Variants in CSDC2 observed in about 807,000 individuals in gnomAD.
CSDC2 encodes the protein cold shock domain containing C2.
CSDC2 carries 8 observed loss-of-function variants against 15.8 expected under a neutral mutation model. The ratio of observed to expected loss-of-function variants is 0.51; its 90% CI spans 0.30 to 0.92. The LOEUF is 0.92. Ranked by LOEUF, CSDC2 falls within the 40% of genes least tolerant of loss-of-function variation. CSDC2 has a pLI of 0.07. For synonymous variants in CSDC2, 96 were observed against 92.3 expected (o/e 1.04, Z -0.23); for missense variants, 195 against 213.3 (o/e 0.91, Z 0.53).
Position 41,576,344 on chromosome 22 carries a change from G to C in CSDC2, c.*1449G>C, listed in dbSNP as rs554043742. ...GCCCAGAGCTGCTGAGGTGTGGTCAGCTCCCCTAAAATGGGCACGGCCCAG... is the reference window on the plus strand; with the variant it reads ...GCCCAGAGCTGCTGAGGTGTGGTCACCTCCCCTAAAATGGGCACGGCCCAG... On this transcript the variant is annotated 3_prime_UTR_variant, in exon 4 of 4. Transcript: ENST00000306149. 5.8e-4 allele frequency: 89 copies of C among 152,354 alleles called. No homozygotes were observed. The highest frequency in any genetic ancestry group is 2.0e-3 in the African/African-American group (84 of 41,556). The allele number at this position is 152,354 out of a possible 1,614,324, so 9.4% of individuals were successfully genotyped here.
chr22:41,566,765 A>G (rs1162798575), intron 1 of CSDC2, among the ~76,000 whole-genome samples: 2 of 151,560 alleles, frequency 1.3e-5, no homozygotes, highest in Non-Finnish European at 2.9e-5. Context: ...GTCTCTACTA[A>G]AAATACAAAA....
intron 1 of CSDC2, among the ~76,000 whole-genome samples, chr22:41,570,409 G>C (rs1239642824): frequency 6.6e-6 from 1 of 152,136 alleles, no homozygotes; most frequent in African/African-American, 2.4e-5. Flanking sequence ...TGCTCCAGTG[G>C]ACTCCTGGAC....
chr22:41,566,220 C>A (rs112536645), intron 1 of CSDC2, among the ~76,000 whole-genome samples: 1 of 148,934 alleles, frequency 6.7e-6, no homozygotes. Flanking sequence ...CTGAGGTGGG[C>A]GGATCATGAG....
chr22:41,574,344 C>T (rs2067163910), intron 3 of CSDC2, among the ~76,000 whole-genome samples: 1 of 152,222 alleles, frequency 6.6e-6, no homozygotes, highest in Admixed American at 6.5e-5. Flanking sequence ...CGGCTCAGTG[C>T]AACCTCCACT....
At chr22:41,562,780 A>T (rs1446547241) in intron 1 of CSDC2, among the ~76,000 whole-genome samples, 2 of 152,190 alleles carry the variant, frequency 1.3e-5, no homozygotes, top group African/African-American at 4.8e-5. Context: ...TAAAAGTAGT[A>T]GGGAGCTCTT....
At chr22:41,561,382 G>A (rs1024582571) in intron 1 of CSDC2, among the ~76,000 whole-genome samples, 199 bp downstream of exon 1, 2 of 152,222 alleles carry the variant, frequency 1.3e-5, no homozygotes, top group African/African-American at 2.4e-5. Context: ...AGGTGAGGCC[G>A]TGTGGCTCCC....
At chr22:41,570,765 T>C (rs567836002) in intron 1 of CSDC2, among the ~76,000 whole-genome samples, 293 of 143,032 alleles carry the variant, frequency 2.0e-3, no homozygotes, top group African/African-American at 7.3e-3. Flanking sequence ...GAAGTGACAG[T>C]GAGCCGAGAT....
At chr22:41,573,545 AG>A (rs1049873446) in intron 2 of CSDC2, 109 bp from the exon 3 acceptor site, 1 of 1,329,972 alleles carries the variant, frequency 7.5e-7, no homozygotes, top group Non-Finnish European at 1.0e-6. Flanking sequence ...GCCTGGGTCA[AG>A]TTTCTCACAG....
chr22:41,562,335 A>T (rs931575746), intron 1 of CSDC2, among the ~76,000 whole-genome samples: 2 of 146,188 alleles, frequency 1.4e-5, no homozygotes, highest in African/African-American at 5.1e-5. Context: ...GCCGCCCCCC[A>T]TTTCCTTGAA....
chr22:41,572,375 CCCACCCACCCACCCATCCATCCAT>C (rs2067150635), intron 2 of CSDC2, among the ~76,000 whole-genome samples: 6 of 42,818 alleles, frequency 1.4e-4, no homozygotes, highest in African/African-American at 5.5e-4. Flanking sequence ...CACCCACCCA[CCCACCCACCCACCCATCCATCCAT>C]CCATCCATCC....
At chr22:41,573,110 C>T (rs943323491) in intron 2 of CSDC2, among the ~76,000 whole-genome samples, 43 of 152,020 alleles carry the variant, frequency 2.8e-4, no homozygotes, top group African/African-American at 9.7e-4. Context: ...TTTGGGAGGT[C>T]GAGACAGGTG....
At chr22:41,573,827 A>T in intron 3 of CSDC2, 50 bp downstream of exon 3, 1 of 1,571,298 alleles carries the variant, frequency 6.4e-7, no homozygotes, top group Non-Finnish European at 8.7e-7. Context: ...AGTGTCCCCA[A>T]TGGTGCCTCA....
At chr22:41,561,607 G>A (rs2067085546) in intron 1 of CSDC2, among the ~76,000 whole-genome samples, 1 of 152,226 alleles carries the variant, frequency 6.6e-6, no homozygotes, top group Non-Finnish European at 1.5e-5. Flanking sequence ...CTGGAATGTT[G>A]GGCTGGGAAG....
chr22:41,565,159 C>G (rs1397400417), intron 1 of CSDC2, among the ~76,000 whole-genome samples: 2 of 137,228 alleles, frequency 1.5e-5, no homozygotes, highest in African/African-American at 5.5e-5. Flanking sequence ...GAGTGAGACT[C>G]AAAAAAAAAA....
chr22:41,564,878 G>C (rs1190196809), intron 1 of CSDC2, among the ~76,000 whole-genome samples: 1 of 152,092 alleles, frequency 6.6e-6, no homozygotes, highest in Non-Finnish European at 1.5e-5. Context: ...GTCAAGAGAA[G>C]ACCATACAGT....
chr22:41,567,983 T>G (rs891501336), intron 1 of CSDC2, among the ~76,000 whole-genome samples: 1 of 152,074 alleles, frequency 6.6e-6, no homozygotes, highest in Non-Finnish European at 1.5e-5. Flanking sequence ...CCCTCTTCCC[T>G]CAACACCCAA....
intron 1 of CSDC2, among the ~76,000 whole-genome samples, chr22:41,564,359 A>T (rs1034642868): frequency 6.6e-6 from 1 of 151,992 alleles, no homozygotes; most frequent in Non-Finnish European, 1.5e-5. Context: ...TCCCGGGTTC[A>T]CACCATCCTC....
At chr22:41,569,777 CTTTTTTT>C (rs372029264) in intron 1 of CSDC2, among the ~76,000 whole-genome samples, 6 of 107,950 alleles carry the variant, frequency 5.6e-5, no homozygotes, top group South Asian at 3.2e-4. Context: ...TGTGTGGTTG[CTTTTTTT>C]TTTTTTTTTT....
At chr22:41,570,409 G>A (rs1239642824) in intron 1 of CSDC2, among the ~76,000 whole-genome samples, 1 of 152,136 alleles carries the variant, frequency 6.6e-6, no homozygotes, top group Non-Finnish European at 1.5e-5. Context: ...TGCTCCAGTG[G>A]ACTCCTGGAC....
Sources: allele counts gnomAD v4.1 joint callset (sites outside exome capture counted in the v4.1 genomes callset), GRCh38; gene constraint gnomAD v4.1.1; transcripts MANE v1.5; gene names NCBI Gene and HGNC (gene_info 2026-07-23, HGNC 2026-07-21).